Variants in ROR1 observed in about 807,000 individuals in gnomAD.
ROR1 encodes inactive tyrosine-protein kinase transmembrane receptor ROR1.
ROR1 carries 19 observed loss-of-function variants against 78.8 expected under a neutral mutation model. The observed-to-expected ratio is 0.24, with a 90% CI of 0.17 to 0.35. The LOEUF is 0.35. Among genes scored for constraint, ROR1 ranks in the 10% least tolerant of loss-of-function variants. ROR1 has a pLI of 1.00. For synonymous variants in ROR1, 386 were observed against 433.6 expected (o/e 0.89, Z 1.36); for missense variants, 917 against 1,177.8 (o/e 0.78, Z 3.24).
At chr1:64,009,577 C>A (rs763741805) in intron 2 of ROR1, among the ~76,000 whole-genome samples, 10 of 152,138 alleles carry the variant, frequency 6.6e-5, no homozygotes, top group Non-Finnish European at 1.5e-4. Context: ...TCTTTCCCCC[C>A]CTCGTTCCTT....
intron 4 of ROR1, among the ~76,000 whole-genome samples, chr1:64,089,998 C>A (rs1647182726): frequency 6.6e-6 from 1 of 152,014 alleles, no homozygotes; most frequent in Non-Finnish European, 1.5e-5. Context: ...GTTCTCATTC[C>A]CTCTTGCCTG....
chr1:64,019,563 T>C (rs1646547718), intron 2 of ROR1, among the ~76,000 whole-genome samples: 1 of 152,224 alleles, frequency 6.6e-6, no homozygotes, highest in Non-Finnish European at 1.5e-5. Context: ...TTGGCATAAC[T>C]CCATCACTTG....
At chr1:63,986,301 T>C (rs547708212) in intron 1 of ROR1, among the ~76,000 whole-genome samples, 1 of 152,312 alleles carries the variant, frequency 6.6e-6, no homozygotes, top group East Asian at 1.9e-4. Context: ...AAACACTTAT[T>C]CAATACAAAC....
intron 4 of ROR1, among the ~76,000 whole-genome samples, chr1:64,078,085 G>T (rs978766230): frequency 2.0e-5 from 3 of 152,206 alleles, no homozygotes; most frequent in African/African-American, 2.4e-5. Flanking sequence ...GTCTACATAA[G>T]GGGCCAATAA....
intron 1 of ROR1, among the ~76,000 whole-genome samples, chr1:63,987,131 C>A (rs1054302557): frequency 5.3e-5 from 8 of 152,074 alleles, no homozygotes; most frequent in Non-Finnish European, 1.2e-4. Context: ...TCACACAGAT[C>A]CAAGCAATTA....
intron 1 of ROR1, among the ~76,000 whole-genome samples, chr1:63,912,256 C>T (rs1276371817): frequency 6.6e-6 from 1 of 150,452 alleles, no homozygotes; most frequent in Non-Finnish European, 1.5e-5. Context: ...CATGATGGTA[C>T]CATTGTACTC....
chr1:64,025,887 G>T (rs962534289), intron 2 of ROR1, among the ~76,000 whole-genome samples: 2 of 152,102 alleles, frequency 1.3e-5, no homozygotes, highest in Admixed American at 6.6e-5. Context: ...GTGGGTGAGG[G>T]ATAAAAGACT....
intron 1 of ROR1, among the ~76,000 whole-genome samples, chr1:63,793,015 G>C (rs956950268): frequency 5.9e-5 from 9 of 152,210 alleles, no homozygotes; most frequent in African/African-American, 2.2e-4. Context: ...AGAATCTTAT[G>C]ACAGCTTTCT....
intron 1 of ROR1, chr1:63,775,166 GGTGTGCACGCGCGCGCGCGCGC>G (rs1466877752): frequency 6.6e-6 from 1 of 152,162 alleles, no homozygotes; most frequent in Non-Finnish European, 1.5e-5. Flanking sequence ...AAGTGCTTTG[GGTGTGCACGCGCGCGCGCGCGC>G]GTGTGTGTGT....
chr1:64,037,527 G>A (rs1288422443), intron 2 of ROR1, among the ~76,000 whole-genome samples: 1 of 152,150 alleles, frequency 6.6e-6, no homozygotes, highest in Admixed American at 6.5e-5. Context: ...TGCAATTCTT[G>A]TGTGCTGGGA....
intron 1 of ROR1, among the ~76,000 whole-genome samples, chr1:63,961,665 G>A (rs1298343646): frequency 2.0e-5 from 3 of 152,160 alleles, no homozygotes; most frequent in Non-Finnish European, 2.9e-5. Context: ...GAGTAGAATC[G>A]TGGTTACCAG....
At chr1:64,031,022 A>T (rs557154089) in intron 2 of ROR1, among the ~76,000 whole-genome samples, 2 of 152,110 alleles carry the variant, frequency 1.3e-5, no homozygotes, top group East Asian at 3.9e-4. Flanking sequence ...GATTCCAGGC[A>T]CACACCACCA....
chr1:64,021,682 A>G lies in ROR1; in HGVS notation c.163+12306A>G, dbSNP rs1241580106. Among the ~76,000 whole-genome samples the G allele has an allele frequency of 2.6e-5, 4 of 152,216 alleles. No homozygotes were observed. In the East Asian group the frequency reaches 7.7e-4, roughly 29 times the overall value. On this transcript the variant is annotated intron_variant, in intron 2 of 8. Transcript: ENST00000371079. ...GTGACTATTTATTTCTAAAATAATA[A>G]TCTGTGTGTATAGGGAGGAAAGAAG...
At chr1:64,077,393 C>T (rs1214234666) in intron 4 of ROR1, among the ~76,000 whole-genome samples, 1 of 152,232 alleles carries the variant, frequency 6.6e-6, no homozygotes, top group East Asian at 1.9e-4. Context: ...TTCACACCCT[C>T]ACGTATCCTT....
chr1:63,889,676 A>G (rs181738477), intron 1 of ROR1, among the ~76,000 whole-genome samples: 4 of 152,260 alleles, frequency 2.6e-5, no homozygotes, highest in African/African-American at 9.6e-5. Flanking sequence ...AATTCAATTC[A>G]TTTCAGATTC....
chr1:64,085,128 G>A (rs1349772162), intron 4 of ROR1, among the ~76,000 whole-genome samples: 1 of 152,110 alleles, frequency 6.6e-6, no homozygotes, highest in Non-Finnish European at 1.5e-5. Flanking sequence ...ATTAAGGGTT[G>A]GTTTGAATTT....
chr1:63,811,940 C>T lies in ROR1; in HGVS notation c.91+37432C>T, dbSNP rs191297770. ...AGTCCAATAAGCTAAAGAAGGCTTT[C>T]GGGAAATAAAACCAGAGGTGTTTTT... On this transcript the variant is annotated intron_variant, in intron 1 of 8. Coordinates refer to ENST00000371079, the MANE Select transcript of ROR1 (RefSeq NM_005012.4). Among the ~76,000 whole-genome samples the T allele has an allele frequency of 4.8e-5, 7 of 145,884 alleles. No homozygotes were observed. The East Asian group carries it at 8.0e-4, about 17-fold the overall frequency.
intron 1 of ROR1, among the ~76,000 whole-genome samples, chr1:63,920,729 AT>A (rs563455152): frequency 6.6e-6 from 1 of 152,136 alleles, no homozygotes; most frequent in Non-Finnish European, 1.5e-5. Flanking sequence ...CACTGGAATA[AT>A]TTTTTTATGC....
intron 1 of ROR1, among the ~76,000 whole-genome samples, chr1:63,920,664 C>T (rs1219884731): frequency 6.6e-6 from 1 of 152,234 alleles, no homozygotes; most frequent in Non-Finnish European, 1.5e-5. Flanking sequence ...TACATACCAA[C>T]ACTGATAATC....
Sources: allele counts gnomAD v4.1 joint callset (sites outside exome capture counted in the v4.1 genomes callset), GRCh38; gene constraint gnomAD v4.1.1; transcripts MANE v1.5; gene names NCBI Gene and HGNC (gene_info 2026-07-23, HGNC 2026-07-21).